The following PLXNA1 variants were observed in gnomAD, a reference collection of about 807,000 sequenced individuals.
PLXNA1 encodes the protein plexin A1.
In PLXNA1, 77 loss-of-function variants were observed where a neutral mutation model predicts 191.7. The observed-to-expected ratio is 0.40, with a 90% CI of 0.33 to 0.49. The LOEUF (loss-of-function observed/expected upper bound fraction) is 0.49, where lower values mean the gene tolerates loss of function less well. Among genes scored for constraint, PLXNA1 ranks in the 20% least tolerant of loss-of-function variants. The pLI is 0.63. For missense variants in PLXNA1, 2,110 were observed against 2,660.2 expected, an observed-to-expected ratio of 0.79 and a Z score of 4.55; for synonymous variants, 1,137 against 1,156.4, an observed-to-expected ratio of 0.98 and a Z score of 0.34.
chr3:127,014,279 C>G lies in PLXNA1; in HGVS notation c.2508C>G (p.Arg836=), dbSNP rs1223359636. 4 of 1,595,854 alleles carry G rather than the reference C, an allele frequency of 2.5e-6. No homozygotes were observed. Among genetic ancestry groups the G allele is most frequent in the South Asian group, 1.1e-5 (1 of 89,606 alleles). The change falls in exon 12 of 32, where the codon CGC becomes CGG. Residue 836 remains arginine, a synonymous_variant. Coordinates refer to ENST00000393409, the MANE Select transcript of PLXNA1 (RefSeq NM_032242.4). Reference sequence around the variant, plus strand: ...GCGGATGGTGCGTGGCCGAGCGCCGCTGCTCCCTGCGACACCACTGCGCTG... The same window carrying G: ...GCGGATGGTGCGTGGCCGAGCGCCGGTGCTCCCTGCGACACCACTGCGCTG... ...FECGWCVAER[R]CSLRHHCAAD...
At chr3:126,984,024 C>T (rs1208851378) in intron 1 of PLXNA1, among the ~76,000 whole-genome samples, 1 of 152,198 alleles carries the variant, frequency 6.6e-6, no homozygotes, top group Non-Finnish European at 1.5e-5. Context: ...CCTCTCGGGG[C>T]CTCTCCAGGG....
intron 26 of PLXNA1, 108 bp downstream of exon 26, chr3:127,029,204 CAGGG>C (rs2079193359): frequency 2.1e-6 from 2 of 943,220 alleles, no homozygotes; most frequent in Non-Finnish European, 3.3e-6. Flanking sequence ...CTGGATCTGT[CAGGG>C]AGAGGAGGGG....
chr3:127,029,519 A>G lies in PLXNA1; in HGVS notation c.4853A>G (p.Lys1618Arg). 1 of 1,613,802 alleles carries G rather than the reference A, an allele frequency of 6.2e-7. No homozygotes were observed. Among genetic ancestry groups the G allele is most frequent in the South Asian group, 1.1e-5 (1 of 91,080 alleles). The part of the protein sequence containing the change: ...YNISNSSTFT[K>R]SLSRYESMLR... ...ATCTCCAACTCCTCCACCTTCACCA[A>G]GTCCCTCAGCAGATACGGTGAGGGG... is the stretch of plus-strand genomic sequence containing the variant. Residue 1618 changes from lysine to arginine, a missense_variant, in exon 27 of 32, where the codon AAG becomes AGG. Physicochemically the swap from Lys to Arg is conservative, Grantham distance 26. This residue lies in a region of PLXNA1 where 559 missense variants were observed against 911.5 expected (regional missense o/e 0.61). Transcript: ENST00000393409.
In PLXNA1 at chr3:127,029,571, A is replaced by C. The variant is rs756944323; in HGVS notation, c.4870+35A>C. ...CAGGCAGCGGGCGAGAGGGCAGCGC[A>C]TGGGTCCCTGGCCTGGGCAGGACGT... On this transcript the variant is annotated intron_variant, in intron 27 of 31. Transcript: ENST00000393409. 3.8e-6 allele frequency: 6 copies of C among 1,595,480 alleles called. No individual in the cohort carries two copies. The African/African-American group carries it at 4.0e-5, about 11-fold the overall frequency.
At chr3:127,016,806 G>C (rs564124581) in intron 16 of PLXNA1, 122 bp downstream of exon 16, 3 of 1,389,688 alleles carry the variant, frequency 2.2e-6, no homozygotes, top group South Asian at 2.6e-5. Flanking sequence ...CTGCCGGGAA[G>C]CACCCCTTGC....
In PLXNA1 at chr3:126,995,672, C is replaced by T. The variant is rs183364729; in HGVS notation, c.1377+4106C>T. On this transcript the variant is annotated intron_variant, in intron 3 of 31. Coordinates refer to ENST00000393409, the MANE Select transcript of PLXNA1 (RefSeq NM_032242.4). ...TGAGATCTCTTGGTTATTAAATCCA[C>T]GTTGTAAGAGAGTATAACAGGACCA... Among the ~76,000 whole-genome samples the T allele has an allele frequency of 5.0e-4, 76 of 152,352 alleles. 1 individual carries two copies. Among genetic ancestry groups the T allele is most frequent in the African/African-American group, 1.8e-3 (75 of 41,584 alleles).
chr3:126,998,143 C>G (rs542851356), intron 3 of PLXNA1, among the ~76,000 whole-genome samples: 1 of 152,284 alleles, frequency 6.6e-6, no homozygotes, highest in South Asian at 2.1e-4. Context: ...TCAGAGGTGC[C>G]CCCCGTGGAT....
At chr3:127,027,796 G>T (rs1276291049) in intron 23 of PLXNA1, 144 bp from the exon 24 acceptor site, 1 of 1,074,532 alleles carries the variant, frequency 9.3e-7, no homozygotes, top group Admixed American at 2.0e-5. Flanking sequence ...TGGGACTAAG[G>T]CTGTACTTGC....
intron 30 of PLXNA1, 33 bp downstream of exon 30, chr3:127,032,632 G>C: frequency 6.2e-7 from 1 of 1,609,818 alleles, no homozygotes. Context: ...GGGGGCAGGG[G>C]CCCGGGGGCA....
intron 20 of PLXNA1, 69 bp downstream of exon 20, chr3:127,018,597 C>G: frequency 8.3e-7 from 1 of 1,204,666 alleles, no homozygotes; most frequent in Non-Finnish European, 1.2e-6. Context: ...GTCCCCACAC[C>G]TACTTCCCAC....
chr3:127,024,404 G>A (rs888254572), intron 23 of PLXNA1, among the ~76,000 whole-genome samples: 26 of 152,202 alleles, frequency 1.7e-4, no homozygotes, highest in Admixed American at 1.3e-3. Flanking sequence ...ATGGAGAGCC[G>A]GGGACATTTG....
chr3:127,016,784 C>A, intron 16 of PLXNA1, 100 bp downstream of exon 16: 1 of 1,447,488 alleles, frequency 6.9e-7, no homozygotes, highest in Non-Finnish European at 9.6e-7. Flanking sequence ...CTCCTGCATG[C>A]CGGGTACTAT....
Position 127,017,464 on chromosome 3 carries a change from G to A in PLXNA1, c.3316G>A (p.Ala1106Thr), listed in dbSNP as rs369260755. The change falls in exon 18 of 32, where the codon GCC becomes ACC. Residue 1106 changes from alanine (A) to threonine (T), a missense_variant. This residue lies in a region of PLXNA1 where 644 missense variants were observed against 714.3 expected (regional missense o/e 0.90). Coordinates refer to ENST00000393409, the MANE Select transcript of PLXNA1 (RefSeq NM_032242.4). ...VYNDTTMVCR[A>T]PSVANPVRSP... ...CAATGACACCACCATGGTATGCCGC[G>A]CCCCGTCTGTGGCCAACCCTGTGCG... 9.9e-5 allele frequency: 160 copies of A among 1,613,134 alleles called. No homozygotes were observed. The highest frequency in any genetic ancestry group is 1.2e-4 in the Non-Finnish European group (145 of 1,180,008).
In PLXNA1 at chr3:127,005,007, C is replaced by A. The variant is rs1205742870; in HGVS notation, c.1742C>A (p.Pro581Gln). 1 of 1,608,882 alleles carries A rather than the reference C, an allele frequency of 6.2e-7. No individual in the cohort carries two copies. Among genetic ancestry groups the A allele is most frequent in the Non-Finnish European group, 8.5e-7 (1 of 1,176,986 alleles). ...RNVSVTMSQVPLVLQAWNVPD... is the reference protein window; with the variant it reads ...RNVSVTMSQVQLVLQAWNVPD... ...GTGTCTGTCACCATGTCCCAGGTCC[C>A]AGTAAGTGTGGCACCCCAGGTGGTA... The change falls in exon 6 of 32, where the codon CCA becomes CAA. Residue 581 changes from proline to glutamine, a missense_variant and splice_region_variant. Transcript: ENST00000393409.
intron 9 of PLXNA1, among the ~76,000 whole-genome samples, chr3:127,010,169 G>A (rs1468569766): frequency 3.3e-5 from 5 of 152,166 alleles, no homozygotes; most frequent in Non-Finnish European, 7.4e-5. Context: ...GCACTGGGGA[G>A]AAGGTTGTAA....
In PLXNA1 at chr3:127,017,064, C is replaced by G. The variant is rs1358778300; in HGVS notation, c.3276+27C>G. On this transcript the variant is annotated intron_variant, in intron 17 of 31. Transcript: ENST00000393409. ...TGAGTCCCTGCCCTCAGCTGCCCAC[C>G]TCGGTCCAGGCCTTCACCTGGGATG... The G allele has an allele frequency of 5.0e-6, 8 of 1,591,014 alleles. No individual in the cohort carries two copies. The African/African-American group carries it at 9.4e-5, about 19-fold the overall frequency.
At position 126,983,272 on chromosome 3, in the gene PLXNA1, C is replaced by T. The variant is rs2078939693; in HGVS notation, c.-89C>T. On this transcript the variant is annotated 5_prime_UTR_variant, in exon 1 of 32. Coordinates refer to ENST00000393409, the MANE Select transcript of PLXNA1 (RefSeq NM_032242.4). ...CGCGGCGATGGCCGGCGGCGGGGCG[C>T]GCCCCGGGGCGGCGGGTGAGTCGGG... Among the ~76,000 whole-genome samples the T allele has an allele frequency of 1.4e-5, 2 of 142,710 alleles. No homozygotes were observed. Among genetic ancestry groups the T allele is most frequent in the Admixed American group, 6.9e-5 (1 of 14,566 alleles). 93.6% of individuals were successfully genotyped at this position (142,710 alleles called of 152,430 possible). A position where few individuals can be genotyped will look rare whatever the true frequency, so the allele number is the denominator to read the frequency against.
chr3:126,983,641 C>G (rs1366945379), intron 1 of PLXNA1, among the ~76,000 whole-genome samples: 1 of 149,566 alleles, frequency 6.7e-6, no homozygotes, highest in Admixed American at 6.6e-5. Context: ...CGCCGAGCCC[C>G]GCGGCAGCTC....
At chr3:127,011,233 T>C (rs2079094113) in intron 9 of PLXNA1, among the ~76,000 whole-genome samples, 1 of 152,192 alleles carries the variant, frequency 6.6e-6, no homozygotes, top group Non-Finnish European at 1.5e-5. Context: ...CTCTCCCCAG[T>C]GGACACAGGA....
Sources: gnomAD v4.1 joint callset for allele counts (sites outside exome capture counted in the v4.1 genomes callset) on GRCh38, gnomAD v4.1.1 for gene constraint, gnomAD v4.1.1 regional missense constraint, MANE v1.5 for transcripts, NCBI Gene and HGNC (gene_info 2026-07-23, HGNC 2026-07-21) for gene names.